The following MEST variants were observed in gnomAD, a reference collection of about 807,000 sequenced individuals.
The protein encoded by MEST is mesoderm specific transcript.
Under a neutral mutation model 50.9 loss-of-function variants are expected in MEST, and 18 were observed. That is an observed-to-expected ratio of 0.35 (90% CI 0.24 to 0.52). The LOEUF (loss-of-function observed/expected upper bound fraction) is 0.52, where lower values mean the gene tolerates loss of function less well. Ranked by LOEUF, MEST falls within the 20% of genes least tolerant of loss-of-function variation. The pLI, the probability that MEST is intolerant of heterozygous loss-of-function variation, is 0.94. For synonymous variants in MEST, 130 were observed against 154.1 expected, an observed-to-expected ratio of 0.84 and a Z score of 1.16; for missense variants, 282 against 425.3, an observed-to-expected ratio of 0.66 and a Z score of 2.96.
chr7:130,497,873 T>C lies in MEST; in HGVS notation c.262-63T>C. 2.0e-6 allele frequency: 3 copies of C among 1,472,152 alleles called. No individual in the cohort carries two copies. The highest frequency in any genetic ancestry group is 2.3e-5 in the East Asian group (1 of 44,188). 91.2% of individuals were successfully genotyped at this position (1,472,152 alleles called of 1,614,324 possible). A position where few individuals can be genotyped will look rare whatever the true frequency, so the allele number is the denominator to read the frequency against. ...GATAGGGCTGAAGCTCCTGTGCAACTGTAGGTCTGGTGAAAGGGAGGGGCA... is the reference window on the plus strand; with the variant it reads ...GATAGGGCTGAAGCTCCTGTGCAACCGTAGGTCTGGTGAAAGGGAGGGGCA... On this transcript the variant is annotated intron_variant, in intron 3 of 11. Transcript: ENST00000223215. The surrounding 1 kb of genome is among the most constrained non-coding windows in gnomAD (Gnocchi z 4.0).
intron 11 of MEST, 53 bp downstream of exon 11, chr7:130,504,049 G>A: frequency 6.8e-7 from 1 of 1,461,078 alleles, no homozygotes; most frequent in Non-Finnish European, 9.6e-7. Context: ...TCCTGACAGT[G>A]GTAAACAGAA....
chr7:130,504,103 C>A, intron 11 of MEST, 107 bp downstream of exon 11: 2 of 786,594 alleles, frequency 2.5e-6, no homozygotes, highest in Non-Finnish European at 2.1e-6. Flanking sequence ...TCTTTAACCT[C>A]GCTGGCTGTT....
intron 5 of MEST, 29 bp from the exon 6 acceptor site, chr7:130,498,390 A>G (rs1799150510): frequency 1.2e-6 from 2 of 1,613,858 alleles, no homozygotes; most frequent in Non-Finnish European, 1.7e-6. Flanking sequence ...TTGCTCAGCT[A>G]CATGTGTGTT....
At chr7:130,499,620 TTC>T (rs1425437968) in intron 6 of MEST, among the ~76,000 whole-genome samples, 2 of 152,194 alleles carry the variant, frequency 1.3e-5, no homozygotes, top group African/African-American at 4.8e-5. Context: ...TTATTTGTAA[TTC>T]TGTTTTGGTA....
At chr7:130,495,778 G>GTT (rs71178591) in intron 2 of MEST, 4,395 of 189,040 alleles carry the variant, frequency 0.023, 134 homozygotes, top group African/African-American at 0.084. Flanking sequence ...TCCAATATTA[G>GTT]TTTTTTTTTT....
chr7:130,494,731 C>A, intron 1 of MEST: 1 of 473,536 alleles, frequency 2.1e-6, no homozygotes, highest in Non-Finnish European at 2.8e-6. Flanking sequence ...ATCTTACTTT[C>A]ACAGACTGTT....
In MEST at chr7:130,498,449, C is replaced by G. The variant is rs1554437755; in HGVS notation, c.507C>G (p.Thr169=). Residue 169 remains threonine (T), a synonymous_variant, in exon 6 of 12, where the codon ACC becomes ACG. Coordinates refer to ENST00000223215, the MANE Select transcript of MEST (RefSeq NM_002402.4). ...RYKQNRSGRL[T]IKSLCLSNGG... is the part of the protein sequence containing the mutation. ...AGCAGAATCGATCTGGTCGGCTTAC[C>G]ATAAAGAGTCTCTGTCTGTCAAATG... 1 of 1,614,064 alleles carries G rather than the reference C, an allele frequency of 6.2e-7. No individual in the cohort carries two copies. The highest frequency in any genetic ancestry group is 8.5e-7 in the Non-Finnish European group (1 of 1,180,012).
chr7:130,495,407 G>T lies in MEST; in HGVS notation c.66G>T (p.Val22=). The part of the protein sequence containing the change: ...EWWVQVGLLA[V]PLLAAYLHIP... ...GGGTCCAGGTGGGGCTGCTGGCCGT[G>T]CCCCTGCTTGCTGCGTACCTGCACA... is the stretch of plus-strand genomic sequence containing the variant. Residue 22 remains valine (V), a synonymous_variant, in exon 2 of 12, where the codon GTG becomes GTT. Transcript: ENST00000223215. The T allele has an allele frequency of 1.2e-6, 2 of 1,613,342 alleles. No homozygotes were observed. Among genetic ancestry groups the T allele is most frequent in the African/African-American group, 2.7e-5 (2 of 74,994 alleles).
In MEST at chr7:130,492,946, C is replaced by T. The variant is rs1554435801; in HGVS notation, c.26+607C>T. ...GTGCGACTTAAAGGATAGGCCCCAG[C>T]ATCGCCCTGGTGCGATGTAGGATTT... On this transcript the variant is annotated intron_variant, in intron 1 of 11. Transcript: ENST00000223215. This position sits in a 1 kb window ranked among gnomAD's most constrained non-coding sequence, Gnocchi z 7.6. Among the ~76,000 whole-genome samples, 2 of 152,106 alleles carry T rather than the reference C, an allele frequency of 1.3e-5. No homozygotes were observed. Among genetic ancestry groups the T allele is most frequent in the Non-Finnish European group, 2.9e-5 (2 of 68,024 alleles).
rs935613166 is a variant in MEST, at chr7:130,500,097, C to A, written c.576+182C>A. 8.6e-6 allele frequency: 5 copies of A among 580,842 alleles called. No homozygotes were observed. The African/African-American group carries it at 9.4e-5, about 11-fold the overall frequency. The allele number at this position is 580,842 out of a possible 1,614,324, so 36.0% of individuals were successfully genotyped here. ...ACTAAAGCAGAGGCAGTGGCCCCTA[C>A]GTAAACCCAAAACCAATCCTAAGAA... On this transcript the variant is annotated intron_variant, in intron 7 of 11. Transcript: ENST00000223215. This position sits in a 1 kb window ranked among gnomAD's most constrained non-coding sequence, Gnocchi z 5.0.
chr7:130,491,210 T>C (rs1451765120), upstream of MEST: 1 of 152,366 alleles, frequency 6.6e-6, no homozygotes, highest in Admixed American at 6.5e-5. The surrounding 1 kb of genome is among the most constrained non-coding windows in gnomAD (Gnocchi z 6.8). Context: ...CTCTTTCTTG[T>C]GCCTCTGGGC....
chr7:130,501,096 A>G (rs1310403249), intron 9 of MEST: 2 of 470,576 alleles, frequency 4.3e-6, no homozygotes, highest in Non-Finnish European at 7.5e-6. Flanking sequence ...AAATGCTTCA[A>G]AGTATTGAAT....
At chr7:130,490,048 A>C (rs1470389029), upstream of MEST, 7 of 152,208 alleles carry the variant, frequency 4.6e-5, no homozygotes, top group African/African-American at 1.4e-4. Flanking sequence ...ATATAATGCA[A>C]AGGCTTTTGT....
chr7:130,498,870 G>C, intron 6 of MEST: 1 of 218,988 alleles, frequency 4.6e-6, no homozygotes, highest in East Asian at 1.2e-4. Flanking sequence ...GGTTATGAGA[G>C]TGTAGGATTG....
rs148105473 is a variant in MEST, at chr7:130,494,225, G to A, written c.27-1143G>A. On this transcript the variant is annotated intron_variant, in intron 1 of 11. Coordinates refer to ENST00000223215, the MANE Select transcript of MEST (RefSeq NM_002402.4). ...CGGGTAGGTAGATTACAGGCAATAG[G>A]GAAGAATGTGTGTACAGACGGAAAG... 9.1e-4 allele frequency among the ~76,000 whole-genome samples: 138 copies of A among 152,268 alleles called. 1 individual carries two copies. The East Asian group carries it at 0.01, about 11-fold the overall frequency.
chr7:130,501,620 T>C (rs1337573198), intron 9 of MEST, among the ~76,000 whole-genome samples: 1 of 152,154 alleles, frequency 6.6e-6, no homozygotes, highest in African/African-American at 2.4e-5. Flanking sequence ...AATGTGGCAG[T>C]GGTGTCTTAC....
chr7:130,492,656 C>T lies in MEST; in HGVS notation c.26+317C>T, dbSNP rs1442173631. On this transcript the variant is annotated intron_variant, in intron 1 of 11. Transcript: ENST00000223215. The surrounding 1 kb of genome is among the most constrained non-coding windows in gnomAD (Gnocchi z 7.6). ...AGGATCCATAATGACCCTGGTCTCA[C>T]CCTGATGCGAATTGGGATTTTTAGA... The T allele has an allele frequency of 6.7e-6, 2 of 297,252 alleles. No homozygotes were observed. The highest frequency in any genetic ancestry group is 4.3e-5 in the African/African-American group (2 of 46,046). 18.4% of individuals were successfully genotyped at this position (297,252 alleles called of 1,614,324 possible).
chr7:130,494,948 C>A, intron 1 of MEST: 1 of 502,158 alleles, frequency 2.0e-6, no homozygotes, highest in African/African-American at 2.1e-5. Context: ...GATGGTAGAG[C>A]TTTTGGAGTA....
intron 1 of MEST, chr7:130,487,054 T>G (rs1461505664): frequency 4.0e-5 from 6 of 150,890 alleles, no homozygotes; most frequent in African/African-American, 1.5e-4. Flanking sequence ...CCTGGTTGAC[T>G]CATTCTGGCT....
Sources: gnomAD v4.1 joint callset for allele counts (sites outside exome capture counted in the v4.1 genomes callset) on GRCh38, gnomAD v4.1.1 for gene constraint, Gnocchi (gnomAD v3.1) non-coding constraint, MANE v1.5 for transcripts, NCBI Gene and HGNC (gene_info 2026-07-23, HGNC 2026-07-21) for gene names.